The following ITPR1 variants were observed in gnomAD, a reference collection of about 807,000 sequenced individuals.
ITPR1 encodes inositol 1,4,5-trisphosphate-gated calcium channel ITPR1.
A neutral mutation model predicts 318.4 loss-of-function variants in ITPR1; 96 were observed. The ratio of observed to expected loss-of-function variants is 0.30; its 90% CI spans 0.26 to 0.36. The LOEUF is 0.36. ITPR1 is among the 10% of genes least tolerant of loss of function. ITPR1 has a pLI of 1.00. For synonymous variants in ITPR1, 1,312 were observed against 1,289.9 expected (o/e 1.02, Z -0.37); for missense variants, 2,440 against 3,460.2 (o/e 0.71, Z 7.40).
At chr3:4,628,745 T>G (rs1559569043) in intron 5 of ITPR1, among the ~76,000 whole-genome samples, 1 of 152,246 alleles carries the variant, frequency 6.6e-6, no homozygotes, top group Non-Finnish European at 1.5e-5. Flanking sequence ...TGCAGTGGGC[T>G]TTGTGTCTAC....
intron 44 of ITPR1, among the ~76,000 whole-genome samples, chr3:4,739,153 T>C (rs148938781): frequency 4.8e-4 from 73 of 152,334 alleles, no homozygotes; most frequent in African/African-American, 1.6e-3. Context: ...ATTCAGAGTT[T>C]CGTCTTGCTG....
At chr3:4,549,892 G>C (rs1440385511) in intron 4 of ITPR1, among the ~76,000 whole-genome samples, 1 of 152,200 alleles carries the variant, frequency 6.6e-6, no homozygotes, top group African/African-American at 2.4e-5. Context: ...GCAGAAAAGG[G>C]AGGAAAGAAA....
chr3:4,569,004 GCT>G (rs2087695888), intron 4 of ITPR1, among the ~76,000 whole-genome samples: 1 of 152,086 alleles, frequency 6.6e-6, no homozygotes, highest in South Asian at 2.1e-4. Context: ...GGGGTCACAC[GCT>G]CTTAAACGAC....
rs1490691661 is a variant in ITPR1 at position 4,740,395 on chromosome 3, T to G, written c.5544+5041T>G. On this transcript the variant is annotated intron_variant, in intron 44 of 61. Transcript: ENST00000649015. ...AAGAAAATTCAGTCCTGCCTTAGGA[T>G]AAGCTCACTGGGAATCACAGCACTC... Among the ~76,000 whole-genome samples the G allele has an allele frequency of 2.0e-5, 3 of 152,246 alleles. No homozygotes were observed. In the East Asian group the frequency reaches 5.8e-4, roughly 29 times the overall value.
intron 4 of ITPR1, among the ~76,000 whole-genome samples, chr3:4,558,174 G>T (rs1327102974): frequency 6.6e-6 from 1 of 152,102 alleles, no homozygotes. Flanking sequence ...AAGATGTAGG[G>T]GGAGAATCTT....
intron 40 of ITPR1, among the ~76,000 whole-genome samples, chr3:4,717,843 G>A (rs1050085309): frequency 4.6e-5 from 7 of 152,194 alleles, no homozygotes; most frequent in South Asian, 2.1e-4. Context: ...CTTGGTCTAC[G>A]TATTGAAAAG....
chr3:4,743,611 C>T (rs1392020218), intron 44 of ITPR1, among the ~76,000 whole-genome samples: 1 of 152,184 alleles, frequency 6.6e-6, no homozygotes, highest in Non-Finnish European at 1.5e-5. Flanking sequence ...GTTCATGCTT[C>T]CAGAGGAGCT....
intron 5 of ITPR1, among the ~76,000 whole-genome samples, chr3:4,629,702 A>G (rs951188222): frequency 3.3e-5 from 5 of 152,258 alleles, no homozygotes; most frequent in Non-Finnish European, 5.9e-5. Context: ...AGAGGCAGTG[A>G]TAAGTACTAT....
chr3:4,784,050 C>G, intron 51 of ITPR1, 130 bp downstream of exon 51: 2 of 648,176 alleles, frequency 3.1e-6, no homozygotes, highest in Non-Finnish European at 5.3e-6. Flanking sequence ...GTGCTAGGTC[C>G]TGGGCTGGGT....
chr3:4,839,416 C>T (rs946284179), intron 61 of ITPR1, among the ~76,000 whole-genome samples: 7 of 152,052 alleles, frequency 4.6e-5, no homozygotes, highest in African/African-American at 1.7e-4. Flanking sequence ...GATGAGGATA[C>T]CAAAGGAGCC....
chr3:4,545,351 A>C (rs867668723), intron 4 of ITPR1, among the ~76,000 whole-genome samples: 1 of 152,132 alleles, frequency 6.6e-6, no homozygotes, highest in Non-Finnish European at 1.5e-5. Context: ...GACTGGGTAC[A>C]GTGGCTCCTG....
chr3:4,531,726 CT>C (rs1479920353), intron 4 of ITPR1, among the ~76,000 whole-genome samples: 2 of 152,196 alleles, frequency 1.3e-5, no homozygotes, highest in African/African-American at 4.8e-5. Flanking sequence ...CTGAAATGAT[CT>C]CCCTATCTCT....
chr3:4,772,433 A>G (rs189726067), intron 46 of ITPR1, among the ~76,000 whole-genome samples: 1 of 152,372 alleles, frequency 6.6e-6, no homozygotes, highest in East Asian at 1.9e-4. Context: ...TCACTTTGCC[A>G]AACAGGCAGT....
intron 43 of ITPR1, among the ~76,000 whole-genome samples, 172 bp downstream of exon 43, chr3:4,733,392 A>G (rs1225486575): frequency 6.6e-6 from 1 of 152,114 alleles, no homozygotes; most frequent in East Asian, 1.9e-4. Flanking sequence ...GCCTAAACAT[A>G]TTTTCCTGCA....
chr3:4,630,563 T>TTAC (rs1455299579), intron 5 of ITPR1, among the ~76,000 whole-genome samples: 1 of 29,104 alleles, frequency 3.4e-5, no homozygotes, highest in Admixed American at 5.0e-4. Context: ...ATTGTCCGCA[T>TTAC]TATTATTATT....
At chr3:4,771,058 T>C (rs1286017914) in intron 46 of ITPR1, among the ~76,000 whole-genome samples, 1 of 152,184 alleles carries the variant, frequency 6.6e-6, no homozygotes, top group East Asian at 1.9e-4. Context: ...ACTATTCCCC[T>C]ATGCAGGTGT....
intron 55 of ITPR1, among the ~76,000 whole-genome samples, chr3:4,808,391 C>T (rs2048724381): frequency 6.6e-6 from 1 of 151,668 alleles, no homozygotes; most frequent in Non-Finnish European, 1.5e-5. Flanking sequence ...TGAAAAAGTC[C>T]TTGCATCAGT....
Position 4,846,312 on chromosome 3 carries a change from T to C in ITPR1, c.*87T>C, listed in dbSNP as rs1265429735. ...ATGAGTTCTGATTCACCCACGAAGG[T>C]TACATTTATGCTGAATACATTTGTA... On this transcript the variant is annotated 3_prime_UTR_variant, in exon 62 of 62. Coordinates refer to ENST00000649015, the MANE Select transcript of ITPR1 (RefSeq NM_001378452.1). The C allele has an allele frequency of 5.9e-6, 5 of 843,772 alleles. No individual in the cohort carries two copies. The highest frequency in any genetic ancestry group is 9.6e-6 in the Non-Finnish European group (5 of 519,830). 52.3% of individuals were successfully genotyped at this position (843,772 alleles called of 1,614,324 possible).
At chr3:4,654,672 A>G (rs1164694109) in intron 12 of ITPR1, among the ~76,000 whole-genome samples, 1 of 152,228 alleles carries the variant, frequency 6.6e-6, no homozygotes, top group African/African-American at 2.4e-5. Flanking sequence ...GGAAGGTGGT[A>G]TTGAGGGTGT....
Sources: allele counts gnomAD v4.1 joint callset (sites outside exome capture counted in the v4.1 genomes callset), GRCh38; gene constraint gnomAD v4.1.1; transcripts MANE v1.5; gene names NCBI Gene and HGNC (gene_info 2026-07-23, HGNC 2026-07-21).